PKD1L1: variants seen among roughly 807,000 people sequenced by gnomAD.
PKD1L1 encodes polycystin-1-like protein 1.
Under a neutral mutation model 323.4 loss-of-function variants are expected in PKD1L1, and 236 were observed. The ratio of observed to expected loss-of-function variants is 0.73; its 90% CI spans 0.66 to 0.81. The LOEUF (loss-of-function observed/expected upper bound fraction) is 0.81, where lower values mean the gene tolerates loss of function less well. Among genes scored for constraint, PKD1L1 ranks in the 40% least tolerant of loss-of-function variants. The pLI, the probability that PKD1L1 is intolerant of heterozygous loss-of-function variation, is 0.00. For missense variants in PKD1L1, 3,320 were observed against 3,508.0 expected, an observed-to-expected ratio of 0.95 and a Z score of 1.35; for synonymous variants, 1,344 against 1,335.0, an observed-to-expected ratio of 1.01 and a Z score of -0.15.
chr7:47,821,849 T>C (rs879917216), intron 45 of PKD1L1, among the ~76,000 whole-genome samples: 1 of 151,912 alleles, frequency 6.6e-6, no homozygotes, highest in East Asian at 1.9e-4. Context: ...CACCACGCCA[T>C]GCTAATTTTT....
rs1786539464 is a variant in PKD1L1, at chr7:47,880,905, G to A, written c.3443-100C>T. 3.5e-6 allele frequency: 3 copies of A among 867,612 alleles called. No homozygotes were observed. The Admixed American group carries it at 7.9e-5, about 23-fold the overall frequency. The allele number at this position is 867,612 out of a possible 1,614,324, so 53.7% of individuals were successfully genotyped here. On this transcript the variant is annotated intron_variant, in intron 20 of 56. Coordinates refer to ENST00000289672, the MANE Select transcript of PKD1L1 (RefSeq NM_138295.5). ...AATGAGTTCCACTCTTCCCCCAGGGGTGAAATTAACATAGATACTAGTGAA... is the reference window on the plus strand; with the variant it reads ...AATGAGTTCCACTCTTCCCCCAGGGATGAAATTAACATAGATACTAGTGAA...
At chr7:47,863,165 T>C (rs1203140636) in intron 26 of PKD1L1, among the ~76,000 whole-genome samples, 1 of 152,128 alleles carries the variant, frequency 6.6e-6, no homozygotes, top group Non-Finnish European at 1.5e-5. Flanking sequence ...CGGTGACACC[T>C]GGGCTTTAAC....
rs752186434 is a variant in PKD1L1, at chr7:47,800,673, G to A, written c.8169C>T (p.Val2723=). ...CCATTCCAAAACACAGTGTGGCAGA[G>A]ACTATTAAAAGGATCCCAAAGTAAC... The part of the protein sequence containing the change: ...MACYFGILLI[V]SATLCFGMLR... Residue 2723 remains valine, a synonymous_variant, in exon 54 of 57, where the codon GTC becomes GTT. Coordinates refer to ENST00000289672, the MANE Select transcript of PKD1L1 (RefSeq NM_138295.5). 4 of 1,614,192 alleles carry A rather than the reference G, an allele frequency of 2.5e-6. No homozygotes were observed. In the South Asian group the frequency reaches 4.4e-5, roughly 18 times the overall value.
rs1020468153 is a variant in PKD1L1 at position 47,946,484 on chromosome 7, C to T, written c.44+1913G>A. ...CCACACACACATCGCACACACCACA[C>T]ACCACGCACCACACAAACACACCAT... On this transcript the variant is annotated intron_variant, in intron 1 of 56. Coordinates refer to ENST00000289672, the MANE Select transcript of PKD1L1 (RefSeq NM_138295.5). The surrounding 1 kb of genome is among the most constrained non-coding windows in gnomAD (Gnocchi z 4.1). Among the ~76,000 whole-genome samples, 2 of 129,432 alleles carry T rather than the reference C, an allele frequency of 1.5e-5. No individual in the cohort carries two copies. Among genetic ancestry groups the T allele is most frequent in the Non-Finnish European group, 3.4e-5 (2 of 58,292 alleles). 84.9% of individuals were successfully genotyped at this position (129,432 alleles called of 152,430 possible).
rs1387503969 is a variant in PKD1L1, at chr7:47,946,664, A to AT, written c.44+1732dup. On this transcript the variant is annotated intron_variant, in intron 1 of 56. Transcript: ENST00000289672. This position sits in a 1 kb window ranked among gnomAD's most constrained non-coding sequence, Gnocchi z 4.1. The stretch of plus-strand genomic sequence containing the variant: ...ACCACACCACCCACACACATGTCCT[A>AT]TACCACACACACACACACAGACACT... 6.6e-6 allele frequency among the ~76,000 whole-genome samples: 1 copy of AT among 151,846 alleles called. No individual in the cohort carries two copies. The highest frequency in any genetic ancestry group is 1.5e-5 in the Non-Finnish European group (1 of 67,908).
chr7:47,873,328 G>A (rs1219095438), intron 24 of PKD1L1, among the ~76,000 whole-genome samples: 4 of 152,104 alleles, frequency 2.6e-5, no homozygotes. Context: ...GAATGTAAAT[G>A]ATATCTTTAA....
At chr7:47,951,055 C>T (rs529078539), upstream of PKD1L1, among the ~76,000 whole-genome samples, 17 of 152,330 alleles carry the variant, frequency 1.1e-4, no homozygotes, top group Non-Finnish European at 2.1e-4. Context: ...TAAGGTGAGA[C>T]GTGGATGCAG....
intron 32 of PKD1L1, among the ~76,000 whole-genome samples, chr7:47,846,573 C>T (rs754494345): frequency 6.6e-6 from 1 of 152,188 alleles, no homozygotes; most frequent in Non-Finnish European, 1.5e-5. Flanking sequence ...ACTCATCCAC[C>T]GACTCATGTC....
Position 47,813,103 on chromosome 7 carries a change from C to T in PKD1L1, c.7346+18G>A. 6.2e-7 allele frequency: 1 copy of T among 1,606,468 alleles called. No homozygotes were observed. On this transcript the variant is annotated intron_variant, in intron 49 of 56. Transcript: ENST00000289672. ...GGTGGCAGGCAGGATGAGCCCCGGCCCTTCGAATCTCACTGACCTTGTTCT... is the reference window on the plus strand; with the variant it reads ...GGTGGCAGGCAGGATGAGCCCCGGCTCTTCGAATCTCACTGACCTTGTTCT...
intron 14 of PKD1L1, among the ~76,000 whole-genome samples, chr7:47,895,395 G>A (rs566325329): frequency 3.3e-5 from 5 of 152,264 alleles, no homozygotes; most frequent in Non-Finnish European, 5.9e-5. Context: ...TAAAAATTAC[G>A]TAGTTTATAT....
At chr7:47,805,969 T>C (rs1056969026) in intron 52 of PKD1L1, among the ~76,000 whole-genome samples, 21 of 152,178 alleles carry the variant, frequency 1.4e-4, no homozygotes, top group East Asian at 5.8e-4. Context: ...AATTGAGGAA[T>C]TGGAAATTGG....
At chr7:47,864,303 T>C (rs1157269775) in intron 26 of PKD1L1, among the ~76,000 whole-genome samples, 1 of 152,052 alleles carries the variant, frequency 6.6e-6, no homozygotes, top group Non-Finnish European at 1.5e-5. Context: ...ATAGTTAGAT[T>C]CACAGACTGG....
At chr7:47,938,771 G>GTGGCTCCAAAGC (rs1327311985) in intron 3 of PKD1L1, among the ~76,000 whole-genome samples, 3 of 152,196 alleles carry the variant, frequency 2.0e-5, no homozygotes, top group African/African-American at 7.2e-5. Flanking sequence ...CAAAGCTGAG[G>GTGGCTCCAAAGC]TCCCAGGTGG....
At chr7:47,907,594 C>T (rs1159341024) in intron 9 of PKD1L1, among the ~76,000 whole-genome samples, 3 of 152,164 alleles carry the variant, frequency 2.0e-5, no homozygotes, top group African/African-American at 7.2e-5. Context: ...TCAGTGTGCA[C>T]CTGGCACACT....
chr7:47,818,435 T>C (rs1785070449), intron 46 of PKD1L1, among the ~76,000 whole-genome samples: 1 of 152,250 alleles, frequency 6.6e-6, no homozygotes. Context: ...AAGAATAAAG[T>C]ATAGACATTA....
At position 47,826,349 on chromosome 7, in the gene PKD1L1, T is replaced by C. The variant is rs146429055; in HGVS notation, c.6854+1001A>G. The stretch of plus-strand genomic sequence containing the variant: ...TGCTATCTTAATTACTCTATTTTTA[T>C]GAGGAGGTTTGATAAGATTAAAAAA... On this transcript the variant is annotated intron_variant, in intron 45 of 56. Transcript: ENST00000289672. Among the ~76,000 whole-genome samples, 218 of 152,266 alleles carry C rather than the reference T, an allele frequency of 1.4e-3. 1 individual carries two copies. Among genetic ancestry groups the C allele is most frequent in the Middle Eastern group, 6.8e-3 (2 of 294 alleles).
At chr7:47,783,042 G>T (rs1562928056) in intron 56 of PKD1L1, among the ~76,000 whole-genome samples, 2 of 152,146 alleles carry the variant, frequency 1.3e-5, no homozygotes, top group Non-Finnish European at 2.9e-5. Flanking sequence ...TACCTGAGGA[G>T]GAGGCAACAG....
At chr7:47,894,816 C>A (rs1786901369) in intron 14 of PKD1L1, among the ~76,000 whole-genome samples, 2 of 150,928 alleles carry the variant, frequency 1.3e-5, no homozygotes, top group African/African-American at 4.9e-5. Flanking sequence ...TGAGATCACA[C>A]CACTACACTC....
At chr7:47,922,293 CT>C (rs1787560689) in intron 7 of PKD1L1, among the ~76,000 whole-genome samples, 1 of 152,338 alleles carries the variant, frequency 6.6e-6, no homozygotes, top group African/African-American at 2.4e-5. Flanking sequence ...CTGCCTTGGC[CT>C]CCCAAAGTGC....
Sources: allele counts gnomAD v4.1 joint callset (sites outside exome capture counted in the v4.1 genomes callset), GRCh38; gene constraint gnomAD v4.1.1; non-coding constraint Gnocchi (gnomAD v3.1); transcripts MANE v1.5; gene names NCBI Gene and HGNC (gene_info 2026-07-23, HGNC 2026-07-21).